SALL3: variants seen among roughly 807,000 people sequenced by gnomAD.
The protein encoded by SALL3 is sal-like protein 3.
Under a neutral mutation model 66.2 loss-of-function variants are expected in SALL3, and 25 were observed. The ratio of observed to expected loss-of-function variants is 0.38; its 90% CI spans 0.28 to 0.53. The LOEUF (loss-of-function observed/expected upper bound fraction) is 0.53. Ranked by LOEUF, SALL3 falls within the 20% of genes least tolerant of loss-of-function variation. The probability of loss-of-function intolerance (pLI) is 0.85; values close to 1 mark genes in which losing one functional copy is unlikely to be tolerated. For synonymous variants in SALL3, 1,152 were observed against 899.1 expected (o/e 1.28, Z -5.03); for missense variants, 2,194 against 1,916.5 (o/e 1.14, Z -2.70).
chr18:78,995,844 A>C (rs1327469719), intron 2 of SALL3, among the ~76,000 whole-genome samples: 1 of 152,044 alleles, frequency 6.6e-6, no homozygotes, highest in African/African-American at 2.4e-5. Context: ...CTGAGACTAC[A>C]TCCTGTTAAT....
chr18:78,987,335 A>C (rs941931526), intron 1 of SALL3, among the ~76,000 whole-genome samples: 1 of 152,246 alleles, frequency 6.6e-6, no homozygotes, highest in African/African-American at 2.4e-5. Context: ...ACTCCTAAGA[A>C]TAGGAACATT....
rs1017355033 is a variant in SALL3 at position 78,980,146 on chromosome 18, TGCGCGGCCC to T, written c.-124_-116del. 1.2e-5 allele frequency: 2 copies of T among 167,206 alleles called. No homozygotes were observed. The highest frequency in any genetic ancestry group is 1.9e-4 in the South Asian group (1 of 5,302). 10.4% of individuals were successfully genotyped at this position (167,206 alleles called of 1,614,324 possible). A position where few individuals can be genotyped will look rare whatever the true frequency, so the allele number is the denominator to read the frequency against. On this transcript the variant is annotated 5_prime_UTR_variant, in exon 1 of 3. Coordinates refer to ENST00000537592, the MANE Select transcript of SALL3 (RefSeq NM_171999.4). ...TCACCAGCCTAATTGCTCAGCCCCA[TGCGCGGCCC>T]GCGCAGCCGCCGCCGCCCCGCGCCC...
At chr18:78,986,520 ATCTT>A (rs569956899) in intron 1 of SALL3, among the ~76,000 whole-genome samples, 56 of 152,350 alleles carry the variant, frequency 3.7e-4, no homozygotes, top group African/African-American at 1.2e-3. Context: ...GTGATAATTC[ATCTT>A]TCTTTATGGG....
rs1020806763 is a variant in SALL3, at chr18:78,997,202, C to G, written c.3783C>G (p.Asp1261Glu). 62 of 1,613,884 alleles carry G rather than the reference C, an allele frequency of 3.8e-5. No individual in the cohort carries two copies. Among genetic ancestry groups the G allele is most frequent in the Non-Finnish European group, 5.3e-5 (62 of 1,180,034 alleles). Residue 1261 changes from aspartate (D) to glutamate (E), a missense_variant, in exon 3 of 3, where the codon GAC (aspartate) becomes GAG (glutamate). Physicochemically the swap from Asp to Glu is conservative, Grantham distance 45. Coordinates refer to ENST00000537592, the MANE Select transcript of SALL3 (RefSeq NM_171999.4). ...TGGGCAGCATGGCCAGTGGGATGGA[C>G]AAAGCACGCACTGGCAGTAGCCCAC... ...PPLGSMASGM[D>E]KARTGSSPPI...
rs1003545683 is a variant in SALL3 at position 78,995,607 on chromosome 18, C to T, written c.3471+145C>T. ...GATGCCACGCCTGTGGGTGTGTGTG[C>T]GTGATGTGTGCGTGTTATAGGGTGT... is the stretch of plus-strand genomic sequence containing the variant. On this transcript the variant is annotated intron_variant, in intron 2 of 2. Coordinates refer to ENST00000537592, the MANE Select transcript of SALL3 (RefSeq NM_171999.4). The T allele has an allele frequency of 1.1e-4, 150 of 1,314,768 alleles. 1 individual carries two copies. The highest frequency in any genetic ancestry group is 1.5e-4 in the Non-Finnish European group (145 of 990,560). 81.4% of individuals were successfully genotyped at this position (1,314,768 alleles called of 1,614,324 possible).
chr18:78,990,251 C>T (rs958136304), intron 1 of SALL3, among the ~76,000 whole-genome samples: 2 of 152,214 alleles, frequency 1.3e-5, no homozygotes, highest in Non-Finnish European at 2.9e-5. Context: ...ATTCCTTCCT[C>T]CATACAGTAA....
At position 78,992,534 on chromosome 18, in the gene SALL3, C is replaced by A. The variant is rs1366269356; in HGVS notation, c.543C>A (p.Phe181Leu). ...GCACCAAGGTGGCGGTGGCGCAGTT[C>A]TCGCAGGGCGCGCGCGCGGCAGGCG... Reference protein sequence around the residue: ...LLSTKVAVAQFSQGARAAGGS... With the variant: ...LLSTKVAVAQLSQGARAAGGS... The change falls in exon 2 of 3, where the codon TTC becomes TTA. Residue 181 changes from phenylalanine (F) to leucine (L), a missense_variant. Physicochemically the swap from Phe to Leu is conservative, Grantham distance 22. Coordinates refer to ENST00000537592, the MANE Select transcript of SALL3 (RefSeq NM_171999.4). 1.3e-6 allele frequency: 2 copies of A among 1,495,128 alleles called. No individual in the cohort carries two copies. The highest frequency in any genetic ancestry group is 2.5e-5 in the South Asian group (2 of 81,352). The allele number at this position is 1,495,128 out of a possible 1,614,324, so 92.6% of individuals were successfully genotyped here.
chr18:78,983,983 T>C lies in SALL3; in HGVS notation c.82+3627T>C, dbSNP rs995413007. 2.0e-5 allele frequency among the ~76,000 whole-genome samples: 3 copies of C among 152,358 alleles called. No homozygotes were observed. In the South Asian group the frequency reaches 6.2e-4, roughly 32 times the overall value. On this transcript the variant is annotated intron_variant, in intron 1 of 2. Transcript: ENST00000537592. ...CAGCTTGCAGAGAGAGAGAGCTGATTATGTAACAGTTCTCGAATTTTATGT... is the reference window on the plus strand; with the variant it reads ...CAGCTTGCAGAGAGAGAGAGCTGATCATGTAACAGTTCTCGAATTTTATGT...
Position 78,992,974 on chromosome 18 carries a change from CGCCGCAGAGCGCAGCCTCGTCGCA to C in SALL3, c.997_1020del (p.Ala333_Ala340del), listed in dbSNP as rs758017126. On this transcript the variant is annotated inframe_deletion, in exon 2 of 3. Transcript: ENST00000537592. ...CCCGCTGCCCCCGCCCCGGCGCCAG[CGCCGCAGAGCGCAGCCTCGTCGCA>C]GCCGCAGAGCGCATCCACGCCGCCT... 160 of 1,326,656 alleles carry C rather than the reference CGCCGCAGAGCGCAGCCTCGTCGCA, an allele frequency of 1.2e-4. 1 individual carries two copies. The highest frequency in any genetic ancestry group is 9.3e-4 in the South Asian group (49 of 52,774). 82.2% of individuals were successfully genotyped at this position (1,326,656 alleles called of 1,614,324 possible). A position where few individuals can be genotyped will look rare whatever the true frequency, so the allele number is the denominator to read the frequency against.
Position 78,996,957 on chromosome 18 carries a change from A to G in SALL3, c.3538A>G (p.Asn1180Asp). 6.2e-7 allele frequency: 1 copy of G among 1,613,702 alleles called. No individual in the cohort carries two copies. The highest frequency in any genetic ancestry group is 1.1e-5 in the South Asian group (1 of 91,076). ...ACGCGGCCGCCGCCTGTCTGTGGAG[A>G]ACCCCATGGCTCTCCTAGGGGGTGA... The part of the protein sequence containing the change: ...ARRGRRLSVE[N>D]PMALLGGDAL... Residue 1180 changes from asparagine (N) to aspartate (D), a missense_variant, in exon 3 of 3, where the codon AAC (asparagine) becomes GAC (aspartate). Asn to Asp is a conservative substitution (Grantham distance 23, BLOSUM62 1). Coordinates refer to ENST00000537592, the MANE Select transcript of SALL3 (RefSeq NM_171999.4).
chr18:78,988,649 C>T (rs111439275), intron 1 of SALL3, among the ~76,000 whole-genome samples: 1 of 152,126 alleles, frequency 6.6e-6, no homozygotes, highest in Non-Finnish European at 1.5e-5. Context: ...ACCTGTATTT[C>T]TTTTATTCGG....
At chr18:78,996,555 G>A (rs564678155) in intron 2 of SALL3, among the ~76,000 whole-genome samples, 1 of 152,338 alleles carries the variant, frequency 6.6e-6, no homozygotes, top group East Asian at 1.9e-4. Flanking sequence ...GCCAGGGCTT[G>A]GGCAAGTGAA....
rs1454452733 is a variant in SALL3, at chr18:78,994,658, C to T, written c.2667C>T (p.Arg889=). Residue 889 remains arginine, a synonymous_variant, in exon 2 of 3, where the codon CGC becomes CGT. Transcript: ENST00000537592. ...CGGCCGTGGGCGACCTGGAGAGCCG[C>T]AGCGCGGGCAGCCCCGCCCTGTCCG... The part of the protein sequence containing the change: ...SSSAVGDLES[R]SAGSPALSES... 29 of 1,608,956 alleles carry T rather than the reference C, an allele frequency of 1.8e-5. No homozygotes were observed. The highest frequency in any genetic ancestry group is 2.4e-5 in the Non-Finnish European group (28 of 1,178,854).
rs770491440 is a variant in SALL3 at position 78,993,828 on chromosome 18, G to T, written c.1837G>T (p.Val613Leu). 6.4e-7 allele frequency: 1 copy of T among 1,553,342 alleles called. No individual in the cohort carries two copies. Among genetic ancestry groups the T allele is most frequent in the South Asian group, 1.2e-5 (1 of 84,852 alleles). Residue 613 changes from valine (V) to leucine (L), a missense_variant, in exon 2 of 3, where the codon GTG becomes TTG. Coordinates refer to ENST00000537592, the MANE Select transcript of SALL3 (RefSeq NM_171999.4). The stretch of plus-strand genomic sequence containing the variant: ...CAACGCCAGGGCCGGGGACGCTCCC[G>T]TGGGCGCGCAGGCTAGCGCTGCACC... ...CTNARAGDAPVGAQASAAPTS... is the reference protein window; with the variant it reads ...CTNARAGDAPLGAQASAAPTS...
rs755893543 is a variant in SALL3 at position 78,993,018 on chromosome 18, C to T, written c.1027C>T (p.Pro343Ser). The change falls in exon 2 of 3, where the codon CCG becomes TCG. Residue 343 changes from proline to serine, a missense_variant. Physicochemically the swap from Pro to Ser is moderately conservative, Grantham distance 74. Transcript: ENST00000537592. ...GTCGCAGCCGCAGAGCGCATCCACG[C>T]CGCCTGCCCTGGCCCCGGGGTCCCT... ...ASSQPQSAST[P>S]PALAPGSLLG... 22 of 1,537,074 alleles carry T rather than the reference C, an allele frequency of 1.4e-5. No individual in the cohort carries two copies. The highest frequency in any genetic ancestry group is 1.9e-5 in the Non-Finnish European group (22 of 1,150,256).
Position 78,992,259 on chromosome 18 carries a change from C to A in SALL3, c.268C>A (p.Pro90Thr). The A allele has an allele frequency of 1.3e-6, 2 of 1,570,172 alleles. No homozygotes were observed. Among genetic ancestry groups the A allele is most frequent in the Non-Finnish European group, 8.6e-7 (1 of 1,164,302 alleles). The change falls in exon 2 of 3, where the codon CCC (proline) becomes ACC (threonine). Residue 90 changes from proline to threonine, a missense_variant. Coordinates refer to ENST00000537592, the MANE Select transcript of SALL3 (RefSeq NM_171999.4). ...LIVHEDAPAPPPEDFPEPSPA... is the reference protein window; with the variant it reads ...LIVHEDAPAPTPEDFPEPSPA... Reference sequence around the variant, plus strand: ...CGTGCACGAGGACGCGCCCGCGCCGCCCCCCGAGGACTTCCCCGAGCCTTC... The same window carrying A: ...CGTGCACGAGGACGCGCCCGCGCCGACCCCCGAGGACTTCCCCGAGCCTTC...
Position 78,997,428 on chromosome 18 carries a change from G to C in SALL3, c.*106G>C. The stretch of plus-strand genomic sequence containing the variant: ...TCTCATTACACTTTCACCCATAGCA[G>C]AAAACACTTTGTGCGGCTGCCGAGA... On this transcript the variant is annotated 3_prime_UTR_variant, in exon 3 of 3. Transcript: ENST00000537592. The C allele has an allele frequency of 8.5e-7, 1 of 1,178,420 alleles. No homozygotes were observed. The highest frequency in any genetic ancestry group is 1.2e-6 in the Non-Finnish European group (1 of 820,920). 73.0% of individuals were successfully genotyped at this position (1,178,420 alleles called of 1,614,324 possible).
intron 2 of SALL3, 118 bp downstream of exon 2, chr18:78,995,580 G>A: frequency 2.1e-6 from 3 of 1,417,606 alleles, no homozygotes; most frequent in Non-Finnish European, 2.8e-6. Context: ...CCAGGGGGGT[G>A]AGATGCCACG....
In SALL3 at chr18:78,996,933, C is replaced by T. The variant is rs762239639; in HGVS notation, c.3514C>T (p.Arg1172Cys). 15 of 1,612,708 alleles carry T rather than the reference C, an allele frequency of 9.3e-6. 1 individual carries two copies. In the African/African-American group the frequency reaches 9.3e-5, roughly 10 times the overall value. Residue 1172 changes from arginine to cysteine, a missense_variant, in exon 3 of 3, where the codon CGC becomes TGC. Coordinates refer to ENST00000537592, the MANE Select transcript of SALL3 (RefSeq NM_171999.4). ...CATGTGGAATAACGCCCCCGCGAGACGCGGCCGCCGCCTGTCTGTGGAGAA... is the reference window on the plus strand; with the variant it reads ...CATGTGGAATAACGCCCCCGCGAGATGCGGCCGCCGCCTGTCTGTGGAGAA... Reference protein sequence around the residue: ...THMWNNAPARRGRRLSVENPM... With the variant: ...THMWNNAPARCGRRLSVENPM...
Sources: allele counts gnomAD v4.1 joint callset (sites outside exome capture counted in the v4.1 genomes callset), GRCh38; gene constraint gnomAD v4.1.1; transcripts MANE v1.5; gene names NCBI Gene and HGNC (gene_info 2026-07-23, HGNC 2026-07-21).